Variants in GRK5 observed in about 807,000 individuals in gnomAD.
GRK5 encodes G protein-coupled receptor kinase 5, also known as g protein-coupled receptor kinase GRK5.
GRK5 carries 40 observed loss-of-function variants against 78.4 expected under a neutral mutation model. That is an observed-to-expected ratio of 0.51 (90% CI 0.40 to 0.66). The LOEUF is 0.66. GRK5 is among the 30% of genes least tolerant of loss of function. GRK5 has a pLI of 0.00. For synonymous variants in GRK5, 289 were observed against 296.8 expected, an observed-to-expected ratio of 0.97 and a Z score of 0.27; for missense variants, 598 against 759.9, an observed-to-expected ratio of 0.79 and a Z score of 2.50.
intron 5 of GRK5, 41 bp from the exon 6 acceptor site, chr10:119,424,952 G>A (rs117179782): frequency 2.4e-5 from 33 of 1,386,332 alleles, no homozygotes; most frequent in Admixed American, 1.2e-4. Flanking sequence ...CTTGAAGATC[G>A]GGATTATAAA....
At chr10:119,427,701 CAT>C (rs1852724958) in intron 6 of GRK5, among the ~76,000 whole-genome samples, 1 of 134,868 alleles carries the variant, frequency 7.4e-6, no homozygotes. Flanking sequence ...CCATCAACAG[CAT>C]CACCACCATC....
chr10:119,260,086 G>A (rs926078333), intron 1 of GRK5, among the ~76,000 whole-genome samples: 6 of 151,852 alleles, frequency 4.0e-5, no homozygotes, highest in Non-Finnish European at 8.8e-5. Context: ...TGCAAGCTCT[G>A]TCTCCTGGGT....
At chr10:119,372,658 T>G (rs560581337) in intron 2 of GRK5, among the ~76,000 whole-genome samples, 1 of 152,348 alleles carries the variant, frequency 6.6e-6, no homozygotes, top group South Asian at 2.1e-4. Context: ...GGACACTATT[T>G]ATTATTCTAC....
At chr10:119,259,057 T>C (rs1483434592) in intron 1 of GRK5, among the ~76,000 whole-genome samples, 2 of 105,332 alleles carry the variant, frequency 1.9e-5, no homozygotes, top group Non-Finnish European at 4.1e-5. Flanking sequence ...CACTCCCTCT[T>C]TCTTTTTCTT....
intron 1 of GRK5, among the ~76,000 whole-genome samples, chr10:119,313,988 G>A (rs1474624092): frequency 1.5e-4 from 23 of 152,178 alleles, no homozygotes; most frequent in Admixed American, 1.5e-3. Context: ...GCCGCCCCAC[G>A]CGCCTCACAC....
At chr10:119,453,427 G>A in intron 15 of GRK5, 151 bp downstream of exon 15, 8 of 865,938 alleles carry the variant, frequency 9.2e-6, no homozygotes, top group Middle Eastern at 3.6e-4. Flanking sequence ...TTATGTCCAA[G>A]GCCCCTGATA....
chr10:119,249,832 T>C (rs1849172984), intron 1 of GRK5, among the ~76,000 whole-genome samples: 1 of 152,200 alleles, frequency 6.6e-6, no homozygotes, highest in Non-Finnish European at 1.5e-5. Flanking sequence ...TCAAAAAAGT[T>C]TACTATTACT....
At chr10:119,265,771 T>A (rs1050394575) in intron 1 of GRK5, among the ~76,000 whole-genome samples, 4 of 152,316 alleles carry the variant, frequency 2.6e-5, no homozygotes, top group African/African-American at 9.6e-5. Context: ...TTTCCAGGCA[T>A]TTTGGAGCCT....
chr10:119,332,231 T>TG (rs1330341760), intron 2 of GRK5, among the ~76,000 whole-genome samples: 2 of 151,962 alleles, frequency 1.3e-5, no homozygotes, highest in Non-Finnish European at 2.9e-5. Flanking sequence ...CTCAGCCTCC[T>TG]GAGTAGCTGG....
intron 3 of GRK5, among the ~76,000 whole-genome samples, chr10:119,384,419 G>A (rs1309487091): frequency 6.6e-6 from 1 of 152,230 alleles, no homozygotes; most frequent in Non-Finnish European, 1.5e-5. Flanking sequence ...CCATCTGTTG[G>A]TGAGACCATG....
chr10:119,360,891 C>T (rs1165869789), intron 2 of GRK5, among the ~76,000 whole-genome samples: 1 of 152,178 alleles, frequency 6.6e-6, no homozygotes, highest in South Asian at 2.1e-4. Context: ...AGCCTGTGGC[C>T]GCTGCTTCTC....
chr10:119,426,289 G>A (rs1338031161), intron 6 of GRK5, among the ~76,000 whole-genome samples: 1 of 152,240 alleles, frequency 6.6e-6, no homozygotes, highest in African/African-American at 2.4e-5. Context: ...CTCTCCACCT[G>A]ACTGGTGGGG....
intron 1 of GRK5, among the ~76,000 whole-genome samples, chr10:119,227,728 C>T (rs996848617): frequency 2.0e-5 from 3 of 152,140 alleles, no homozygotes; most frequent in African/African-American, 7.2e-5. Flanking sequence ...AAAAGATGCT[C>T]GATCTCACTA....
In GRK5 at chr10:119,409,520, C is replaced by T. The variant is rs560395580; in HGVS notation, c.339+12748C>T. On this transcript the variant is annotated intron_variant, in intron 4 of 15. Transcript: ENST00000392870. ...CCAGAATGCCTCTCTTTTGGAGTGGCGGCAGACAGAAGACTCAGCCACAGG... is the reference window on the plus strand; with the variant it reads ...CCAGAATGCCTCTCTTTTGGAGTGGTGGCAGACAGAAGACTCAGCCACAGG... Among the ~76,000 whole-genome samples the T allele has an allele frequency of 3.0e-4, 46 of 152,272 alleles. 1 individual carries two copies. The highest frequency in any genetic ancestry group is 9.4e-4 in the African/African-American group (39 of 41,536).
In GRK5 at chr10:119,412,456, C is replaced by T. The variant is rs1852365624; in HGVS notation, c.340-10710C>T. Among the ~76,000 whole-genome samples, 1 of 152,206 alleles carries T rather than the reference C, an allele frequency of 6.6e-6. No individual in the cohort carries two copies. Among genetic ancestry groups the T allele is most frequent in the Admixed American group, 6.5e-5 (1 of 15,282 alleles). On this transcript the variant is annotated intron_variant, in intron 4 of 15. Coordinates refer to ENST00000392870, the MANE Select transcript of GRK5 (RefSeq NM_005308.3). This position sits in a 1 kb window ranked among gnomAD's most constrained non-coding sequence, Gnocchi z 4.3. Reference sequence around the variant, plus strand: ...GGTGGAGGGAGGGACAGGCCACGAGCCCGCACAGCTCGTGAGCGTGTGGCC... The same window carrying T: ...GGTGGAGGGAGGGACAGGCCACGAGTCCGCACAGCTCGTGAGCGTGTGGCC...
intron 1 of GRK5, among the ~76,000 whole-genome samples, chr10:119,255,007 C>G (rs1029613393): frequency 6.8e-6 from 1 of 148,078 alleles, no homozygotes; most frequent in East Asian, 2.0e-4. Context: ...CCATTGCACT[C>G]CAGCCTGGGC....
intron 1 of GRK5, among the ~76,000 whole-genome samples, chr10:119,295,557 G>T (rs770590501): frequency 3.9e-5 from 6 of 152,070 alleles, no homozygotes; most frequent in Non-Finnish European, 8.8e-5. Flanking sequence ...CATCCCAAAT[G>T]CCTGTCAATC....
Position 119,296,753 on chromosome 10 carries a change from G to T in GRK5, c.53-29763G>T, listed in dbSNP as rs577366793. Among the ~76,000 whole-genome samples the T allele has an allele frequency of 2.6e-5, 4 of 152,316 alleles. No individual in the cohort carries two copies. The South Asian group carries it at 6.2e-4, about 24-fold the overall frequency. On this transcript the variant is annotated intron_variant, in intron 1 of 15. Transcript: ENST00000392870. ...GCGGCCCTCATAGAACAACCCTTGA[G>T]GGGGGTTGTATATATAATCTTTATT...
intron 1 of GRK5, among the ~76,000 whole-genome samples, chr10:119,221,105 G>T (rs867835992): frequency 1.2e-4 from 19 of 152,096 alleles, no homozygotes; most frequent in Middle Eastern, 3.4e-3. Flanking sequence ...GCAGTGAGCC[G>T]AGATCGTGCC....
Sources: allele counts gnomAD v4.1 joint callset (sites outside exome capture counted in the v4.1 genomes callset), GRCh38; gene constraint gnomAD v4.1.1; non-coding constraint Gnocchi (gnomAD v3.1); transcripts MANE v1.5; gene names NCBI Gene and HGNC (gene_info 2026-07-23, HGNC 2026-07-21).